RYR2: variants seen among roughly 807,000 people sequenced by gnomAD.
RYR2 encodes the protein cardiac muscle ryanodine receptor-calcium release channel.
RYR2 carries 227 observed loss-of-function variants against 601.1 expected under a neutral mutation model. The observed-to-expected ratio is 0.38, with a 90% CI of 0.34 to 0.42. The LOEUF (loss-of-function observed/expected upper bound fraction) is 0.42. Among genes scored for constraint, RYR2 ranks in the 10% least tolerant of loss-of-function variants. The pLI is 1.00. For missense variants in RYR2, 4,646 were observed against 6,156.5 expected (o/e 0.75, Z 8.21); for synonymous variants, 2,223 against 2,175.1 (o/e 1.02, Z -0.61).
chr1:237,473,078 C>T (rs192865139), intron 17 of RYR2, among the ~76,000 whole-genome samples: 106 of 151,874 alleles, frequency 7.0e-4, no homozygotes, highest in African/African-American at 2.4e-3. Context: ...TGTTATCTAC[C>T]CGATAGGGCT....
intron 10 of RYR2, among the ~76,000 whole-genome samples, chr1:237,402,714 A>T (rs1455108278): frequency 2.0e-5 from 3 of 150,414 alleles, no homozygotes; most frequent in African/African-American, 7.3e-5. Flanking sequence ...CAGGAGTTTG[A>T]TACCAGCCTG....
Position 237,617,402 on chromosome 1 carries a change from C to T in RYR2, c.5832C>T (p.Tyr1944=). ...AKLQDNQRFR[Y]NEVMQALNMS... Reference sequence around the variant, plus strand: ...TCCAAGACAATCAACGTTTCCGATACAACGAAGTCATGCAAGCCTTAAACA... The same window carrying T: ...TCCAAGACAATCAACGTTTCCGATATAACGAAGTCATGCAAGCCTTAAACA... The change falls in exon 38 of 105, where the codon TAC becomes TAT. Residue 1944 remains tyrosine, a synonymous_variant. Transcript: ENST00000366574. The T allele has an allele frequency of 6.2e-7, 1 of 1,613,960 alleles. No homozygotes were observed. Among genetic ancestry groups the T allele is most frequent in the Non-Finnish European group, 8.5e-7 (1 of 1,179,866 alleles).
intron 1 of RYR2, among the ~76,000 whole-genome samples, chr1:237,261,208 A>G (rs1688478960): frequency 6.6e-6 from 1 of 152,164 alleles, no homozygotes; most frequent in Non-Finnish European, 1.5e-5. Context: ...TTCCACTGCT[A>G]CCATTCTGTT....
chr1:237,379,535 T>A (rs1341912650), intron 8 of RYR2, among the ~76,000 whole-genome samples: 1 of 152,232 alleles, frequency 6.6e-6, no homozygotes, highest in Non-Finnish European at 1.5e-5. Flanking sequence ...ATAATGATGA[T>A]AAGTGAGGTT....
rs1668037299 is a variant in RYR2, at chr1:237,530,493, A to C, written c.2889A>C (p.Lys963Asn). Residue 963 changes from lysine (K) to asparagine (N), a missense_variant, in exon 25 of 105, where the codon AAA becomes AAC. By Grantham distance (94) the Lys-to-Asn change is moderately conservative. Coordinates refer to ENST00000366574, the MANE Select transcript of RYR2 (RefSeq NM_001035.3). ...SDEHAEDKVK[K>N]MKLPKNYQLT... is the part of the protein sequence containing the mutation. ...AACATGCTGAAGACAAGGTGAAAAAAATGAAGCTACCCAAGAAGTAAGTTG... is the reference window on the plus strand; with the variant it reads ...AACATGCTGAAGACAAGGTGAAAAACATGAAGCTACCCAAGAAGTAAGTTG... 9 of 1,604,438 alleles carry C rather than the reference A, an allele frequency of 5.6e-6. No homozygotes were observed. Among genetic ancestry groups the C allele is most frequent in the Non-Finnish European group, 7.7e-6 (9 of 1,175,114 alleles).
At chr1:237,436,837 A>G (rs1406072233) in intron 12 of RYR2, among the ~76,000 whole-genome samples, 1 of 149,528 alleles carries the variant, frequency 6.7e-6, no homozygotes, top group Non-Finnish European at 1.5e-5. Context: ...ATTCTATAGG[A>G]CTAGTTTTAG....
chr1:237,322,985 T>TCGTC (rs1695781434), intron 2 of RYR2, among the ~76,000 whole-genome samples: 1 of 152,170 alleles, frequency 6.6e-6, no homozygotes, highest in Non-Finnish European at 1.5e-5. Context: ...GGTGTGTTAT[T>TCGTC]CGTCCATTTA....
rs576427380 is a variant in RYR2, at chr1:237,176,371, A to G, written c.49-94126A>G. ...CATTCATGTTGTAGAATTTTCTCAG[A>G]TAATTTTGTCTAATTACAACTGACA... On this transcript the variant is annotated intron_variant, in intron 1 of 104. Coordinates refer to ENST00000366574, the MANE Select transcript of RYR2 (RefSeq NM_001035.3). Among the ~76,000 whole-genome samples the G allele has an allele frequency of 4.0e-5, 6 of 150,930 alleles. No individual in the cohort carries two copies. In the South Asian group the frequency reaches 1.2e-3, roughly 31 times the overall value.
chr1:237,384,143 G>T (rs74147252), intron 8 of RYR2, among the ~76,000 whole-genome samples: 2,531 of 152,284 alleles, frequency 0.017, 76 homozygotes, highest in African/African-American at 0.058. Context: ...CTTATTTAGA[G>T]AACTTTATAT....
At chr1:237,507,235 A>T (rs1034991719) in intron 23 of RYR2, among the ~76,000 whole-genome samples, 13 of 152,250 alleles carry the variant, frequency 8.5e-5, no homozygotes, top group African/African-American at 3.1e-4. Flanking sequence ...AATTGTGTGT[A>T]AAAGCGGAAA....
At chr1:237,490,111 A>T (rs554009678) in intron 17 of RYR2, among the ~76,000 whole-genome samples, 1 of 152,324 alleles carries the variant, frequency 6.6e-6, no homozygotes, top group South Asian at 2.1e-4. Context: ...ATTATCACTT[A>T]TAGTGGGAGC....
chr1:237,237,501 A>G (rs901856680), intron 1 of RYR2, among the ~76,000 whole-genome samples: 1 of 152,174 alleles, frequency 6.6e-6, no homozygotes, highest in Admixed American at 6.5e-5. Flanking sequence ...TTTGGAATTC[A>G]GGCACAATTG....
At chr1:237,618,592 C>T (rs1020004369) in intron 38 of RYR2, among the ~76,000 whole-genome samples, 2 of 152,116 alleles carry the variant, frequency 1.3e-5, no homozygotes, top group African/African-American at 4.8e-5. Context: ...AGAAAAGCTG[C>T]AACAAAAGCC....
chr1:237,560,202 A>AT (rs1427170420), intron 27 of RYR2, among the ~76,000 whole-genome samples: 9 of 152,216 alleles, frequency 5.9e-5, no homozygotes, highest in African/African-American at 2.4e-5. Context: ...AGCTTCTCAC[A>AT]TCCCACTATG....
chr1:237,191,967 CAG>C (rs892397012), intron 1 of RYR2, among the ~76,000 whole-genome samples: 2 of 152,112 alleles, frequency 1.3e-5, no homozygotes, highest in Admixed American at 1.3e-4. Flanking sequence ...TAATTAACAA[CAG>C]TGATACCTTT....
At chr1:237,422,192 T>C (rs1705667823) in intron 11 of RYR2, among the ~76,000 whole-genome samples, 1 of 152,150 alleles carries the variant, frequency 6.6e-6, no homozygotes, top group Non-Finnish European at 1.5e-5. Flanking sequence ...AAGAACAGCT[T>C]GTATTTTGAT....
At chr1:237,099,389 C>A (rs1667833957) in intron 1 of RYR2, among the ~76,000 whole-genome samples, 1 of 152,188 alleles carries the variant, frequency 6.6e-6, no homozygotes, top group African/African-American at 2.4e-5. Flanking sequence ...AAGTGCACAC[C>A]ACCATGCCTG....
intron 25 of RYR2, among the ~76,000 whole-genome samples, chr1:237,539,273 G>A (rs1668996385): frequency 6.6e-6 from 1 of 152,166 alleles, no homozygotes; most frequent in African/African-American, 2.4e-5. Context: ...TATTTCCTGA[G>A]TGCCAGGGTT....
chr1:237,307,679 T>TAAA (rs1572545376), intron 2 of RYR2, among the ~76,000 whole-genome samples: 1 of 152,218 alleles, frequency 6.6e-6, no homozygotes, highest in Admixed American at 6.5e-5. Context: ...CTTTGACCCT[T>TAAA]AGAGTCTGTT....
Sources: allele counts gnomAD v4.1 joint callset (sites outside exome capture counted in the v4.1 genomes callset), GRCh38; gene constraint gnomAD v4.1.1; transcripts MANE v1.5; gene names NCBI Gene and HGNC (gene_info 2026-07-23, HGNC 2026-07-21).